The following RAPGEF5 variants were observed in gnomAD, a reference collection of about 807,000 sequenced individuals.
RAPGEF5 encodes the protein Rap guanine nucleotide exchange factor 5, also known as M-Ras-regulated GEF.
RAPGEF5 carries 65 observed loss-of-function variants against 125.2 expected under a neutral mutation model. The observed-to-expected ratio is 0.52, with a 90% confidence interval of 0.43 to 0.64. The LOEUF (loss-of-function observed/expected upper bound fraction) is 0.64, where lower values mean the gene tolerates loss of function less well. Ranked by LOEUF, RAPGEF5 falls within the 30% of genes least tolerant of loss-of-function variation. The probability of loss-of-function intolerance (pLI) is 0.00; values close to 1 mark genes in which losing one functional copy is unlikely to be tolerated. For missense variants in RAPGEF5, 958 were observed against 1,048.1 expected, an observed-to-expected ratio of 0.91 and a Z score of 1.19; for synonymous variants, 391 against 385.9, an observed-to-expected ratio of 1.01 and a Z score of -0.16.
intron 5 of RAPGEF5, among the ~76,000 whole-genome samples, chr7:22,307,791 A>G (rs1783377069): frequency 6.6e-6 from 1 of 152,198 alleles, no homozygotes; most frequent in Non-Finnish European, 1.5e-5. Flanking sequence ...AAAATAAGCT[A>G]TCACCATGGA....
intron 24 of RAPGEF5, among the ~76,000 whole-genome samples, chr7:22,125,910 G>C (rs1782726660): frequency 6.6e-6 from 1 of 152,226 alleles, no homozygotes; most frequent in Non-Finnish European, 1.5e-5. Context: ...CACTTTGGGA[G>C]GCTGAGGTGG....
rs1197617283 is a variant in RAPGEF5, at chr7:22,230,919, G to T, written c.797C>A (p.Ala266Glu). The change falls in exon 8 of 26, where the codon GCA (alanine) becomes GAA (glutamate). Residue 266 changes from alanine (A) to glutamate (E), a missense_variant and splice_region_variant. By Grantham distance (107) the Ala-to-Glu change is moderately radical. Coordinates refer to ENST00000665637, the MANE Select transcript of RAPGEF5 (RefSeq NM_012294.5). ...AVIALKARKS[A>E]IEQDEENNDK... ...GTTGTTTTCTTCATCTTGTTCAATT[G>T]CTTAAAAAAAAGAACACCATTAAAC... 4 of 1,556,062 alleles carry T rather than the reference G, an allele frequency of 2.6e-6. No homozygotes were observed. The highest frequency in any genetic ancestry group is 2.6e-6 in the Non-Finnish European group (3 of 1,148,466).
chr7:22,136,506 T>C (rs1783082882), intron 22 of RAPGEF5, among the ~76,000 whole-genome samples: 1 of 150,392 alleles, frequency 6.6e-6, no homozygotes, highest in Non-Finnish European at 1.5e-5. Context: ...GCACAGAAAA[T>C]GCAGAGAAAA....
At chr7:22,320,785 G>A (rs1441049204) in intron 1 of RAPGEF5, among the ~76,000 whole-genome samples, 2 of 152,092 alleles carry the variant, frequency 1.3e-5, no homozygotes, top group Non-Finnish European at 2.9e-5. Flanking sequence ...AACACACACG[G>A]ACAAGATACC....
At chr7:22,314,151 G>A (rs879879960) in intron 3 of RAPGEF5, among the ~76,000 whole-genome samples, 3 of 152,156 alleles carry the variant, frequency 2.0e-5, no homozygotes, top group Non-Finnish European at 2.9e-5. Flanking sequence ...ACCACACTAT[G>A]GATTTGCTCA....
rs1784427691 is a variant in RAPGEF5, at chr7:22,356,739, T to C, written c.231+91A>G. On this transcript the variant is annotated intron_variant, in intron 1 of 25. Coordinates refer to ENST00000665637, the MANE Select transcript of RAPGEF5 (RefSeq NM_012294.5). Reference sequence around the variant, plus strand: ...GCGTCCCTTCCGCCACCTCCCCAACTTCCAGACGCCCCCCTCAGCGGCCCG... The same window carrying C: ...GCGTCCCTTCCGCCACCTCCCCAACCTCCAGACGCCCCCCTCAGCGGCCCG... The C allele has an allele frequency of 8.8e-6, 6 of 684,634 alleles. No individual in the cohort carries two copies. In the South Asian group the frequency reaches 3.4e-4, roughly 39 times the overall value. The allele number at this position is 684,634 out of a possible 1,614,324, so 42.4% of individuals were successfully genotyped here. A position where few individuals can be genotyped will look rare whatever the true frequency, so the allele number is the denominator to read the frequency against.
At chr7:22,157,817 C>T (rs758852690) in intron 15 of RAPGEF5, 38 bp downstream of exon 15, 18 of 1,589,964 alleles carry the variant, frequency 1.1e-5, no homozygotes, top group South Asian at 7.7e-5. Context: ...GTCTCCAAAC[C>T]GGATCACCTA....
chr7:22,279,962 T>C (rs986315723), intron 6 of RAPGEF5, among the ~76,000 whole-genome samples: 2 of 152,160 alleles, frequency 1.3e-5, no homozygotes, highest in African/African-American at 4.8e-5. Flanking sequence ...AGGACAATAA[T>C]GCCCTCGTGC....
intron 24 of RAPGEF5, among the ~76,000 whole-genome samples, chr7:22,130,108 T>C (rs1172811512): frequency 6.6e-6 from 1 of 152,170 alleles, no homozygotes; most frequent in Non-Finnish European, 1.5e-5. Flanking sequence ...CACAAATCCA[T>C]CACCATTACT....
intron 1 of RAPGEF5, among the ~76,000 whole-genome samples, chr7:22,349,958 T>A (rs1383963567): frequency 6.6e-6 from 1 of 152,240 alleles, no homozygotes; most frequent in African/African-American, 2.4e-5. Context: ...CACAGTGGCA[T>A]CTGTGGATTT....
At chr7:22,146,799 A>G in intron 19 of RAPGEF5, 98 bp downstream of exon 19, 1 of 1,381,246 alleles carries the variant, frequency 7.2e-7, no homozygotes, top group Non-Finnish European at 9.7e-7. Context: ...GGACCACGTT[A>G]TTCTAGCATA....
At chr7:22,227,591 G>A (rs62447587) in intron 8 of RAPGEF5, among the ~76,000 whole-genome samples, 24,305 of 152,152 alleles carry the variant, frequency 0.16, 2,054 homozygotes, top group Admixed American at 0.2. Context: ...TGTAATCTCG[G>A]TACCTGGGGA....
chr7:22,189,486 C>T (rs1455552508), intron 11 of RAPGEF5, among the ~76,000 whole-genome samples: 1 of 152,186 alleles, frequency 6.6e-6, no homozygotes, highest in Non-Finnish European at 1.5e-5. Context: ...GCTCCCCCAT[C>T]CCTTCAACTC....
intron 9 of RAPGEF5, among the ~76,000 whole-genome samples, chr7:22,217,299 T>A (rs1280140959): frequency 6.6e-6 from 1 of 152,190 alleles, no homozygotes; most frequent in Non-Finnish European, 1.5e-5. Context: ...AAACTGCAGT[T>A]TCCTCTGTCC....
intron 7 of RAPGEF5, among the ~76,000 whole-genome samples, chr7:22,240,209 CAAA>C (rs35460153): frequency 3.3e-4 from 26 of 78,922 alleles, no homozygotes; most frequent in African/African-American, 7.8e-4. Flanking sequence ...GACTCCACCT[CAAA>C]AAAAAAAAAA....
At chr7:22,130,991 C>A in intron 24 of RAPGEF5, 46 bp downstream of exon 24, 1 of 1,532,390 alleles carries the variant, frequency 6.5e-7, no homozygotes, top group Non-Finnish European at 8.8e-7. Flanking sequence ...GAAAGGCATA[C>A]ATTTCTGTTA....
intron 1 of RAPGEF5, among the ~76,000 whole-genome samples, chr7:22,330,857 C>T (rs538156578): frequency 6.6e-6 from 1 of 152,172 alleles, no homozygotes; most frequent in Admixed American, 6.5e-5. Context: ...TTAGTAAAAT[C>T]CAAACTCCCT....
chr7:22,248,283 C>T (rs140961158), intron 7 of RAPGEF5, among the ~76,000 whole-genome samples: 14 of 152,250 alleles, frequency 9.2e-5, no homozygotes, highest in African/African-American at 2.6e-4. Context: ...AGGCTAACCA[C>T]GAAATTAGTT....
chr7:22,262,830 G>T (rs1562495419), intron 7 of RAPGEF5, among the ~76,000 whole-genome samples: 1 of 152,200 alleles, frequency 6.6e-6, no homozygotes, highest in East Asian at 1.9e-4. Context: ...TAGGTGTACT[G>T]GTGTGCATCT....
Sources: allele counts gnomAD v4.1 joint callset (sites outside exome capture counted in the v4.1 genomes callset), GRCh38; gene constraint gnomAD v4.1.1; transcripts MANE v1.5; gene names NCBI Gene and HGNC (gene_info 2026-07-23, HGNC 2026-07-21).